The following PCDH9 variants were observed in gnomAD, a reference collection of about 807,000 sequenced individuals.
The protein encoded by PCDH9 is protocadherin 9.
A neutral mutation model predicts 70.6 loss-of-function variants in PCDH9; 24 were observed. The ratio of observed to expected loss-of-function variants is 0.34; its 90% CI spans 0.25 to 0.48. The LOEUF is 0.48. Among genes scored for constraint, PCDH9 ranks in the 20% least tolerant of loss-of-function variants. The pLI, the probability that PCDH9 is intolerant of heterozygous loss-of-function variation, is 0.99. For missense variants in PCDH9, 1,281 were observed against 1,503.6 expected, an observed-to-expected ratio of 0.85 and a Z score of 2.45; for synonymous variants, 562 against 558.5, an observed-to-expected ratio of 1.01 and a Z score of -0.09.
chr13:66,819,976 C>T (rs975555447), intron 3 of PCDH9, among the ~76,000 whole-genome samples: 20 of 151,880 alleles, frequency 1.3e-4, no homozygotes, highest in Non-Finnish European at 1.9e-4. Flanking sequence ...CCATGATGTT[C>T]AATAGAAAAG....
At chr13:67,208,291 T>C (rs373139510) in intron 2 of PCDH9, 1 of 152,140 alleles carries the variant, frequency 6.6e-6, no homozygotes, top group East Asian at 1.9e-4. Flanking sequence ...TCATATTCCT[T>C]AAAATTTCCT....
Position 67,156,738 on chromosome 13 carries a change from CT to C in PCDH9, c.3036+68666del, listed in dbSNP as rs1485972091. Among the ~76,000 whole-genome samples the C allele has an allele frequency of 7.0e-3, 1,062 of 152,272 alleles. 13 individuals are homozygous for C. Among genetic ancestry groups the C allele is most frequent in the African/African-American group, 0.024 (1,009 of 41,550 alleles). ...TCTAATTGAGCTGGTTAACACAAGCCTATAGATGGCACACTAAGAGAGCATC... is the reference window on the plus strand; with the variant it reads ...TCTAATTGAGCTGGTTAACACAAGCCATAGATGGCACACTAAGAGAGCATC... On this transcript the variant is annotated intron_variant, in intron 2 of 4. Transcript: ENST00000377865.
chr13:67,110,965 GGCCAAT>G (rs1374174345), intron 2 of PCDH9, among the ~76,000 whole-genome samples: 1 of 152,114 alleles, frequency 6.6e-6, no homozygotes, highest in Non-Finnish European at 1.5e-5. Flanking sequence ...AATTCCATAA[GGCCAAT>G]GCCTTCTATA....
chr13:66,871,428 A>AT (rs1329904686), intron 3 of PCDH9, among the ~76,000 whole-genome samples: 7 of 116,936 alleles, frequency 6.0e-5, no homozygotes, highest in African/African-American at 1.9e-4. Context: ...AATAAATAAA[A>AT]TTAAAAAAAA....
chr13:67,025,640 T>G (rs2139870714), intron 2 of PCDH9, among the ~76,000 whole-genome samples: 1 of 152,222 alleles, frequency 6.6e-6, no homozygotes, highest in East Asian at 1.9e-4. Flanking sequence ...TCAAAAATAG[T>G]ATATTAAAAA....
intron 3 of PCDH9, among the ~76,000 whole-genome samples, chr13:66,896,453 A>C (rs1454056237): frequency 6.6e-6 from 1 of 152,144 alleles, no homozygotes; most frequent in Non-Finnish European, 1.5e-5. Context: ...AATTTAAAAA[A>C]TAATAATAAG....
intron 2 of PCDH9, among the ~76,000 whole-genome samples, chr13:67,068,583 C>G (rs2085697595): frequency 6.6e-6 from 1 of 152,084 alleles, no homozygotes; most frequent in South Asian, 2.1e-4. Flanking sequence ...TATTAAATAG[C>G]CTGTTTCTGT....
chr13:67,023,664 A>G (rs909405169), intron 2 of PCDH9, among the ~76,000 whole-genome samples: 12 of 152,322 alleles, frequency 7.9e-5, no homozygotes, highest in Admixed American at 3.3e-4. Flanking sequence ...TATTCCTGGC[A>G]CTTGATCAGC....
intron 2 of PCDH9, among the ~76,000 whole-genome samples, chr13:66,959,686 G>T (rs1259791074): frequency 6.6e-6 from 1 of 151,328 alleles, no homozygotes; most frequent in Non-Finnish European, 1.5e-5. Context: ...AGGAGTTTGA[G>T]GTTGTAGTAA....
At chr13:66,404,341 A>G (rs1957242993) in intron 4 of PCDH9, among the ~76,000 whole-genome samples, 1 of 152,190 alleles carries the variant, frequency 6.6e-6, no homozygotes, top group African/African-American at 2.4e-5. Context: ...AGGGATGAGC[A>G]GAGGCCAACA....
chr13:66,751,562 T>C (rs1478930667), intron 3 of PCDH9, among the ~76,000 whole-genome samples: 4 of 152,176 alleles, frequency 2.6e-5, no homozygotes, highest in Non-Finnish European at 5.9e-5. Context: ...TTAACAATTA[T>C]GTCTCAATAG....
intron 3 of PCDH9, among the ~76,000 whole-genome samples, chr13:66,866,431 G>A (rs1420693002): frequency 6.6e-6 from 1 of 151,804 alleles, no homozygotes; most frequent in Non-Finnish European, 1.5e-5. Context: ...GCAGTGAGCT[G>A]AGATTGCGCC....
intron 3 of PCDH9, among the ~76,000 whole-genome samples, chr13:66,742,472 C>T (rs2079281506): frequency 6.8e-6 from 1 of 146,258 alleles, no homozygotes; most frequent in South Asian, 2.2e-4. Context: ...GCAATGGCAA[C>T]AAAAGCTAAA....
At chr13:66,625,827 A>T (rs537949249) in intron 4 of PCDH9, among the ~76,000 whole-genome samples, 2 of 151,330 alleles carry the variant, frequency 1.3e-5, no homozygotes, top group South Asian at 4.2e-4. Context: ...CACCTGGCTC[A>T]TTTTTTTTGT....
At chr13:67,172,364 T>G (rs1487633734) in intron 2 of PCDH9, among the ~76,000 whole-genome samples, 1 of 152,198 alleles carries the variant, frequency 6.6e-6, no homozygotes, top group Non-Finnish European at 1.5e-5. Context: ...GTCTATGCCC[T>G]TTCTATAGAA....
intron 4 of PCDH9, among the ~76,000 whole-genome samples, chr13:66,555,079 G>C (rs1961668373): frequency 6.6e-6 from 1 of 152,136 alleles, no homozygotes; most frequent in Admixed American, 6.5e-5. Flanking sequence ...TGAGGCAGGA[G>C]AATTGCTTGA....
At chr13:66,632,036 G>A (rs1294503171) in intron 3 of PCDH9, among the ~76,000 whole-genome samples, 1 of 152,150 alleles carries the variant, frequency 6.6e-6, no homozygotes, top group Admixed American at 6.5e-5. Flanking sequence ...TGGGATTTCA[G>A]GCGCATGCCA....
Position 66,564,865 on chromosome 13 carries a change from G to GTT in PCDH9, c.3340+66343_3340+66344dup, listed in dbSNP as rs11446994. Among the ~76,000 whole-genome samples the GTT allele has an allele frequency of 6.8e-3, 998 of 147,236 alleles. 4 individuals carry two copies. The highest frequency in any genetic ancestry group is 0.016 in the African/African-American group (651 of 40,196). On this transcript the variant is annotated intron_variant, in intron 4 of 4. Coordinates refer to ENST00000377865, the MANE Select transcript of PCDH9 (RefSeq NM_203487.3). ...AGAAACATCATGCACATAATGTAGG[G>GTT]TTTTTTTTTTTTAATTTTTGATACC...
At chr13:66,743,355 GA>G (rs1193105134) in intron 3 of PCDH9, among the ~76,000 whole-genome samples, 5 of 119,620 alleles carry the variant, frequency 4.2e-5, no homozygotes, top group Admixed American at 3.7e-4. Context: ...GGGGTGGGGG[GA>G]GGGGGGAGGG....
Sources: gnomAD v4.1 joint callset for allele counts (sites outside exome capture counted in the v4.1 genomes callset) on GRCh38, gnomAD v4.1.1 for gene constraint, MANE v1.5 for transcripts, NCBI Gene and HGNC (gene_info 2026-07-23, HGNC 2026-07-21) for gene names.